The following HUNK variants were observed in gnomAD, a reference collection of about 807,000 sequenced individuals.
HUNK encodes the protein hormonally up-regulated Neu-associated kinase.
A neutral mutation model predicts 61.0 loss-of-function variants in HUNK; 21 were observed. That is an observed-to-expected ratio of 0.34 (90% confidence interval 0.24 to 0.50). The LOEUF is 0.50. Among genes scored for constraint, HUNK ranks in the 20% least tolerant of loss-of-function variants. HUNK has a pLI of 0.98. For missense variants in HUNK, 772 were observed against 945.7 expected (o/e 0.82, Z 2.41); for synonymous variants, 371 against 386.1 (o/e 0.96, Z 0.46).
chr21:31,881,586 G>A (rs9981287), intron 1 of HUNK, among the ~76,000 whole-genome samples: 20,690 of 152,070 alleles, frequency 0.14, 1,631 homozygotes, highest in East Asian at 0.37. Flanking sequence ...TTGTGCCACT[G>A]CACTCCAGCC....
chr21:31,957,817 T>TA (rs1339792016), intron 4 of HUNK, among the ~76,000 whole-genome samples: 3 of 152,128 alleles, frequency 2.0e-5, no homozygotes, highest in South Asian at 4.2e-4. Context: ...CAATAAACAA[T>TA]AAAAAAATCA....
chr21:31,909,635 C>A (rs1441639004), intron 1 of HUNK, among the ~76,000 whole-genome samples: 1 of 152,188 alleles, frequency 6.6e-6, no homozygotes, highest in Non-Finnish European at 1.5e-5. Flanking sequence ...GGCAGTTGAG[C>A]CCTGCTACAT....
intron 2 of HUNK, among the ~76,000 whole-genome samples, chr21:31,930,288 G>A (rs73191263): frequency 0.058 from 8,905 of 152,270 alleles, 309 homozygotes; most frequent in South Asian, 0.067. Flanking sequence ...GATTAAATAA[G>A]TCAATCTGCA....
chr21:31,873,595 C>A lies in HUNK; in HGVS notation c.-80C>A. On this transcript the variant is annotated 5_prime_UTR_variant, in exon 1 of 11. Coordinates refer to ENST00000270112, the MANE Select transcript of HUNK (RefSeq NM_014586.2). This position sits in a 1 kb window ranked among gnomAD's most constrained non-coding sequence, Gnocchi z 6.1. The stretch of plus-strand genomic sequence containing the variant: ...GGCCCAGGGCGGCGGCGGGAGAAGC[C>A]GGGGAAGCCGAAGAGCCTGGGGAGG... 1 of 969,232 alleles carries A rather than the reference C, an allele frequency of 1.0e-6. No individual in the cohort carries two copies. The highest frequency in any genetic ancestry group is 1.2e-6 in the Non-Finnish European group (1 of 814,984). 60.0% of individuals were successfully genotyped at this position (969,232 alleles called of 1,614,324 possible).
chr21:31,946,320 T>C, intron 4 of HUNK, 149 bp downstream of exon 4: 1 of 801,542 alleles, frequency 1.2e-6, no homozygotes, highest in Non-Finnish European at 1.9e-6. Context: ...TGGCTTTCCA[T>C]CTCTGTTCCT....
chr21:31,898,069 G>A (rs2052437541), intron 1 of HUNK, among the ~76,000 whole-genome samples: 1 of 152,168 alleles, frequency 6.6e-6, no homozygotes, highest in Non-Finnish European at 1.5e-5. Flanking sequence ...GAAGACCTTA[G>A]ACTCTGGAAA....
intron 9 of HUNK, among the ~76,000 whole-genome samples, chr21:31,992,815 A>G (rs374091408): frequency 6.6e-6 from 1 of 152,260 alleles, no homozygotes; most frequent in Non-Finnish European, 1.5e-5. Flanking sequence ...ATTTGGTAAC[A>G]TGTGCTTGGA....
Position 31,924,535 on chromosome 21 carries a change from G to A in HUNK, c.329G>A (p.Arg110Gln), listed in dbSNP as rs1352771277. Reference sequence around the variant, plus strand: ...ACCTATGTCACCAAAAACCTGCGGCGAGAGGGTCAGATCCAGCAGATGATC... The same window carrying A: ...ACCTATGTCACCAAAAACCTGCGGCAAGAGGGTCAGATCCAGCAGATGATC... ...KDTYVTKNLR[R>Q]EGQIQQMIRH... is the part of the protein sequence containing the mutation. Residue 110 changes from arginine (R) to glutamine (Q), a missense_variant, in exon 2 of 11, where the codon CGA (arginine) becomes CAA (glutamine). Around this residue, in one of 2 missense-constraint regions of HUNK, gnomAD observed 359 missense variants for 501.3 expected, o/e 0.72. Transcript: ENST00000270112. The surrounding 1 kb of genome is among the most constrained non-coding windows in gnomAD (Gnocchi z 5.1). The A allele has an allele frequency of 1.2e-6, 2 of 1,614,032 alleles. No individual in the cohort carries two copies. Among genetic ancestry groups the A allele is most frequent in the Non-Finnish European group, 1.7e-6 (2 of 1,180,030 alleles).
chr21:31,932,185 AAC>A (rs760247691), intron 2 of HUNK, among the ~76,000 whole-genome samples: 16 of 151,826 alleles, frequency 1.1e-4, no homozygotes, highest in Non-Finnish European at 2.2e-4. Context: ...CTCGGGCGTA[AAC>A]ACACACACAC....
intron 2 of HUNK, among the ~76,000 whole-genome samples, chr21:31,933,060 C>T (rs899661085): frequency 7.2e-5 from 11 of 152,020 alleles, no homozygotes; most frequent in East Asian, 2.0e-4. Context: ...AGACTACAGG[C>T]GCCCATCACC....
rs145984941 is a variant in HUNK at position 31,998,613 on chromosome 21, C to T, written c.1574C>T (p.Pro525Leu). The change falls in exon 11 of 11, where the codon CCG becomes CTG. Residue 525 changes from proline (P) to leucine (L), a missense_variant. Physicochemically the swap from Pro to Leu is moderately conservative, Grantham distance 98. Coordinates refer to ENST00000270112, the MANE Select transcript of HUNK (RefSeq NM_014586.2). Reference protein sequence around the residue: ...SSSMEFIPVPPPRTPRIVKKP... With the variant: ...SSSMEFIPVPLPRTPRIVKKP... ...TCCATGGAGTTCATCCCCGTGCCAC[C>T]GCCCAGGACCCCGAGGATTGTGAAG... 5.6e-5 allele frequency: 91 copies of T among 1,614,018 alleles called. No individual in the cohort carries two copies. Among genetic ancestry groups the T allele is most frequent in the African/African-American group, 1.7e-4 (13 of 75,012 alleles).
At chr21:31,995,341 G>A (rs1002421986) in intron 9 of HUNK, among the ~76,000 whole-genome samples, 24 of 152,320 alleles carry the variant, frequency 1.6e-4, no homozygotes, top group African/African-American at 5.8e-4. Flanking sequence ...GCCCCAAATA[G>A]AACCTGATGT....
intron 8 of HUNK, 143 bp from the exon 9 acceptor site, chr21:31,989,986 T>C: frequency 1.4e-6 from 1 of 736,020 alleles, no homozygotes; most frequent in Non-Finnish European, 2.5e-6. Flanking sequence ...TCTACTTCCA[T>C]GGCAATTTCA....
At chr21:31,887,075 G>A (rs1005072874) in intron 1 of HUNK, among the ~76,000 whole-genome samples, 2 of 152,192 alleles carry the variant, frequency 1.3e-5, no homozygotes, top group African/African-American at 4.8e-5. Context: ...GCTGCTCTGG[G>A]TGTGCCTGTC....
intron 1 of HUNK, among the ~76,000 whole-genome samples, chr21:31,916,392 A>G (rs999840192): frequency 2.8e-4 from 43 of 152,004 alleles, no homozygotes; most frequent in Non-Finnish European, 1.0e-4. Flanking sequence ...GACTATTGGT[A>G]GATGGAAGTG....
At chr21:31,963,136 T>G (rs1456226922) in intron 5 of HUNK, among the ~76,000 whole-genome samples, 2 of 152,224 alleles carry the variant, frequency 1.3e-5, no homozygotes, top group Non-Finnish European at 2.9e-5. Flanking sequence ...AAAATACTAG[T>G]TTACCAGTAA....
At chr21:31,955,406 C>T (rs2052882235) in intron 4 of HUNK, among the ~76,000 whole-genome samples, 1 of 148,178 alleles carries the variant, frequency 6.7e-6, no homozygotes, top group Non-Finnish European at 1.5e-5. Flanking sequence ...CTGGCTAACA[C>T]AGTGAAACCC....
intron 1 of HUNK, among the ~76,000 whole-genome samples, chr21:31,890,032 T>G (rs1034288654): frequency 2.0e-5 from 3 of 152,186 alleles, no homozygotes; most frequent in Non-Finnish European, 4.4e-5. Flanking sequence ...GCATTAAGAA[T>G]TTTAAAATTC....
rs572162544 is a variant in HUNK, at chr21:31,999,033, T to C, written c.1994T>C (p.Met665Thr). The C allele has an allele frequency of 2.5e-6, 4 of 1,614,212 alleles. No individual in the cohort carries two copies. In the African/African-American group the frequency reaches 4.0e-5, roughly 16 times the overall value. Residue 665 changes from methionine (M) to threonine (T), a missense_variant, in exon 11 of 11, where the codon ATG becomes ACG. By Grantham distance (81) the Met-to-Thr change is moderately conservative. Coordinates refer to ENST00000270112, the MANE Select transcript of HUNK (RefSeq NM_014586.2). ...NCVKSRGRFP[M>T]MGIGQMLRKR... ...GTGAAAAGCCGAGGCCGGTTCCCTATGATGGGCATCGGACAGATGTTAAGG... is the reference window on the plus strand; with the variant it reads ...GTGAAAAGCCGAGGCCGGTTCCCTACGATGGGCATCGGACAGATGTTAAGG...
Sources: gnomAD v4.1 joint callset for allele counts (sites outside exome capture counted in the v4.1 genomes callset) on GRCh38, gnomAD v4.1.1 for gene constraint, gnomAD v4.1.1 regional missense constraint, Gnocchi (gnomAD v3.1) non-coding constraint, MANE v1.5 for transcripts, NCBI Gene and HGNC (gene_info 2026-07-23, HGNC 2026-07-21) for gene names.